Variants in MORN5 observed in about 807,000 individuals in gnomAD.
The protein encoded by MORN5 is MORN repeat-containing protein 5.
Under a neutral mutation model 22.1 loss-of-function variants are expected in MORN5, and 21 were observed. The observed-to-expected ratio is 0.95, with a 90% confidence interval of 0.67 to 1.37. MORN5 has a LOEUF of 1.37. MORN5 is among the 40% of genes most tolerant of loss of function. The probability of loss-of-function intolerance (pLI) is 0.00; values close to 1 mark genes in which losing one functional copy is unlikely to be tolerated. For missense variants in MORN5, 211 were observed against 215.1 expected (o/e 0.98, Z 0.12); for synonymous variants, 73 against 74.0 (o/e 0.99, Z 0.07).
At chr9:122,191,764 C>T (rs1447182820) in intron 4 of MORN5, among the ~76,000 whole-genome samples, 1 of 152,278 alleles carries the variant, frequency 6.6e-6, no homozygotes, top group Non-Finnish European at 1.5e-5. Flanking sequence ...CTGGGCTCGC[C>T]TGCCCTGGCT....
intron 4 of MORN5, among the ~76,000 whole-genome samples, chr9:122,181,617 A>T (rs572955415): frequency 6.6e-6 from 1 of 152,264 alleles, no homozygotes; most frequent in African/African-American, 2.4e-5. Context: ...GAGGCTGGGG[A>T]GCTGAGAGAG....
At chr9:122,161,272 A>G (rs1268440940) in intron 1 of MORN5, among the ~76,000 whole-genome samples, 1 of 152,210 alleles carries the variant, frequency 6.6e-6, no homozygotes, top group African/African-American at 2.4e-5. Flanking sequence ...TGGTCTGGAC[A>G]GGGATAGGAG....
At position 122,175,679 on chromosome 9, in the gene MORN5, A is replaced by G. The variant is rs926222749; in HGVS notation, c.439+1052A>G. 2.0e-5 allele frequency: 20 copies of G among 985,314 alleles called. No individual in the cohort carries two copies. In the African/African-American group the frequency reaches 3.3e-4, roughly 16 times the overall value. The allele number at this position is 985,314 out of a possible 1,614,324, so 61.0% of individuals were successfully genotyped here. ...ATGGTCCCTCTAAAGACCTAGGTCA[A>G]GAAACCTTGCTCTATAATGAGAAAG... On this transcript the variant is annotated intron_variant, in intron 4 of 4. Coordinates refer to ENST00000373764, the MANE Select transcript of MORN5 (RefSeq NM_198469.4).
intron 1 of MORN5, among the ~76,000 whole-genome samples, chr9:122,161,385 G>C (rs1588298943): frequency 6.6e-6 from 1 of 152,186 alleles, no homozygotes; most frequent in East Asian, 1.9e-4. Context: ...AGGTAAGAAA[G>C]GTGACCCTTA....
At chr9:122,194,902 C>T (rs1475693608) in intron 4 of MORN5, among the ~76,000 whole-genome samples, 1 of 151,990 alleles carries the variant, frequency 6.6e-6, no homozygotes, top group African/African-American at 2.4e-5. Context: ...GGCCTGTGAT[C>T]CCAGCTACTC....
chr9:122,196,763 T>C (rs1187021580), intron 4 of MORN5, among the ~76,000 whole-genome samples: 2 of 152,224 alleles, frequency 1.3e-5, no homozygotes, highest in Non-Finnish European at 2.9e-5. Flanking sequence ...TCAATTTATC[T>C]TTAATTTTTC....
Position 122,199,940 on chromosome 9 carries a change from C to A in MORN5, c.*9C>A, listed in dbSNP as rs760551687. ...CCTGTCGAAAGGGCTAGGATGAGAT[C>A]GTGGGTCACAGGCCCGAGCCGTGAA... On this transcript the variant is annotated 3_prime_UTR_variant, in exon 5 of 5. Coordinates refer to ENST00000373764, the MANE Select transcript of MORN5 (RefSeq NM_198469.4). 6.2e-7 allele frequency: 1 copy of A among 1,613,926 alleles called. No homozygotes were observed. The highest frequency in any genetic ancestry group is 1.7e-5 in the Admixed American group (1 of 60,010).
At chr9:122,188,743 G>A (rs1051450272) in intron 4 of MORN5, among the ~76,000 whole-genome samples, 4 of 152,346 alleles carry the variant, frequency 2.6e-5, no homozygotes, top group African/African-American at 9.6e-5. Flanking sequence ...CAGGAAGCAG[G>A]AGGAACAGCA....
chr9:122,189,577 C>T (rs1221665910), intron 4 of MORN5, among the ~76,000 whole-genome samples: 1 of 152,084 alleles, frequency 6.6e-6, no homozygotes, highest in African/African-American at 2.4e-5. Flanking sequence ...GCTTGGGTGA[C>T]AGAATGAGAC....
chr9:122,169,224 T>C (rs1381078338), intron 2 of MORN5, among the ~76,000 whole-genome samples: 2 of 152,186 alleles, frequency 1.3e-5, no homozygotes, highest in African/African-American at 4.8e-5. Context: ...CCAGAAATGT[T>C]TTACCAGCTA....
chr9:122,180,856 G>A (rs943913573), intron 4 of MORN5, among the ~76,000 whole-genome samples: 2 of 152,116 alleles, frequency 1.3e-5, no homozygotes, highest in Non-Finnish European at 2.9e-5. Context: ...GCAGCTTGAG[G>A]GCAGGGACCA....
chr9:122,164,768 T>A, intron 1 of MORN5: 4 of 151,940 alleles, frequency 2.6e-5, no homozygotes, highest in Non-Finnish European at 5.5e-5. Context: ...AGAAGAGGAA[T>A]TCTCCCTTCC....
At chr9:122,179,051 A>G (rs906496632) in intron 4 of MORN5, among the ~76,000 whole-genome samples, 2 of 152,204 alleles carry the variant, frequency 1.3e-5, no homozygotes, top group African/African-American at 2.4e-5. Flanking sequence ...TCCTGGAAAA[A>G]GAAAGATCTA....
chr9:122,179,014 C>G (rs1008604727), intron 4 of MORN5, among the ~76,000 whole-genome samples: 1 of 152,072 alleles, frequency 6.6e-6, no homozygotes, highest in African/African-American at 2.4e-5. Flanking sequence ...ATTACTTTAC[C>G]CTGGAGGCCA....
intron 4 of MORN5, chr9:122,175,397 AG>A: frequency 1.1e-6 from 1 of 908,238 alleles, no homozygotes; most frequent in Non-Finnish European, 1.3e-6. Flanking sequence ...AGTCAACACA[AG>A]GCTGATCAGA....
intron 4 of MORN5, among the ~76,000 whole-genome samples, chr9:122,190,235 G>T (rs1829731244): frequency 6.6e-6 from 1 of 152,198 alleles, no homozygotes; most frequent in African/African-American, 2.4e-5. Context: ...CCAGCCTTAG[G>T]CCTAACTTTG....
At chr9:122,194,741 C>T (rs1333259983) in intron 4 of MORN5, among the ~76,000 whole-genome samples, 2 of 152,050 alleles carry the variant, frequency 1.3e-5, no homozygotes, top group Non-Finnish European at 2.9e-5. Context: ...ATATGCAAGC[C>T]GGGCACGGTG....
intron 4 of MORN5, among the ~76,000 whole-genome samples, chr9:122,191,864 G>A (rs1031248137): frequency 3.3e-5 from 5 of 152,210 alleles, no homozygotes; most frequent in Admixed American, 2.6e-4. Context: ...TCCTCCTCCC[G>A]CAGGCTCCCC....
At position 122,199,898 on chromosome 9, in the gene MORN5, T is replaced by C. The variant is rs1192517647; in HGVS notation, c.453T>C (p.His151=). The C allele has an allele frequency of 1.2e-6, 2 of 1,613,780 alleles. No individual in the cohort carries two copies. Among genetic ancestry groups the C allele is most frequent in the Admixed American group, 1.7e-5 (1 of 59,994 alleles). ...CTTTCCTTGCAGATGATGACGAGCA[T>C]GAGTGGATCACCCGTACCTGTCGAA... ...RFLRNADDDE[H]EWITRTCRKG The change falls in exon 5 of 5, where the codon CAT becomes CAC. Residue 151 remains histidine, a synonymous_variant. Transcript: ENST00000373764.
Sources: allele counts gnomAD v4.1 joint callset (sites outside exome capture counted in the v4.1 genomes callset), GRCh38; gene constraint gnomAD v4.1.1; transcripts MANE v1.5; gene names NCBI Gene and HGNC (gene_info 2026-07-23, HGNC 2026-07-21).